Variants in CNTNAP2 observed in about 807,000 individuals in gnomAD.
The protein encoded by CNTNAP2 is contactin-associated protein-like 2.
A neutral mutation model predicts 155.2 loss-of-function variants in CNTNAP2; 98 were observed. The observed-to-expected ratio is 0.63, with a 90% CI of 0.54 to 0.75. CNTNAP2 has a LOEUF of 0.75. Among genes scored for constraint, CNTNAP2 ranks in the 30% least tolerant of loss-of-function variants. The pLI is 0.00. For synonymous variants in CNTNAP2, 651 were observed against 631.2 expected, an observed-to-expected ratio of 1.03 and a Z score of -0.47; for missense variants, 1,727 against 1,688.1, an observed-to-expected ratio of 1.02 and a Z score of -0.40.
intron 1 of CNTNAP2, among the ~76,000 whole-genome samples, chr7:146,452,264 TTTA>T (rs1317882372): frequency 2.0e-5 from 3 of 152,094 alleles, no homozygotes; most frequent in Non-Finnish European, 4.4e-5. Context: ...TAATAATTGT[TTTA>T]TTATTATTTG....
intron 4 of CNTNAP2, among the ~76,000 whole-genome samples, chr7:147,044,650 C>T (rs1197152634): frequency 6.6e-6 from 1 of 152,126 alleles, no homozygotes; most frequent in Non-Finnish European, 1.5e-5. Flanking sequence ...TTCTTAAATA[C>T]ATTATGCATA....
At chr7:147,226,631 G>C (rs908785851) in intron 8 of CNTNAP2, among the ~76,000 whole-genome samples, 6 of 152,148 alleles carry the variant, frequency 3.9e-5, no homozygotes, top group African/African-American at 1.4e-4. Context: ...GTCAAGGACA[G>C]CTTTAAAGAA....
At chr7:146,298,166 G>A (rs557176678) in intron 1 of CNTNAP2, among the ~76,000 whole-genome samples, 49 of 152,152 alleles carry the variant, frequency 3.2e-4, no homozygotes, top group African/African-American at 4.6e-4. Context: ...GACAGTCTGG[G>A]ACTTTGTGAA....
intron 1 of CNTNAP2, among the ~76,000 whole-genome samples, chr7:146,627,884 C>T (rs1417484497): frequency 6.6e-6 from 1 of 152,028 alleles, no homozygotes; most frequent in Non-Finnish European, 1.5e-5. Context: ...TTATATAACT[C>T]AGTTGGTTTT....
At chr7:148,400,008 G>A (rs740052) in intron 22 of CNTNAP2, among the ~76,000 whole-genome samples, 84,755 of 152,082 alleles carry the variant, frequency 0.56, 24,305 homozygotes, top group African/African-American at 0.63. Flanking sequence ...TCCCCCACCC[G>A]AGACCAACTC....
intron 1 of CNTNAP2, among the ~76,000 whole-genome samples, chr7:146,633,781 G>C (rs1799548546): frequency 7.5e-6 from 1 of 134,188 alleles, no homozygotes; most frequent in Non-Finnish European, 1.5e-5. Flanking sequence ...AGTGAGCTTA[G>C]ATCGTGCCAC....
In CNTNAP2 at chr7:146,966,671, C is replaced by T. The variant is rs374129205; in HGVS notation, c.403-77236C>T. ...AGTATATATGGAGGATGGGGAATGA[C>T]GAACACAAGCATCCAATTCACAATG... On this transcript the variant is annotated intron_variant, in intron 3 of 23. Coordinates refer to ENST00000361727, the MANE Select transcript of CNTNAP2 (RefSeq NM_014141.6). 2.3e-4 allele frequency among the ~76,000 whole-genome samples: 35 copies of T among 152,234 alleles called. 1 individual carries two copies. In the East Asian group the frequency reaches 3.9e-3, roughly 17 times the overall value.
At chr7:147,113,761 A>G (rs952762096) in intron 5 of CNTNAP2, among the ~76,000 whole-genome samples, 1 of 152,114 alleles carries the variant, frequency 6.6e-6, no homozygotes, top group African/African-American at 2.4e-5. Flanking sequence ...AACCAGCTCC[A>G]GGATTTATTG....
At chr7:147,065,165 G>A (rs2129263730) in intron 4 of CNTNAP2, among the ~76,000 whole-genome samples, 1 of 152,232 alleles carries the variant, frequency 6.6e-6, no homozygotes, top group East Asian at 1.9e-4. Flanking sequence ...GCAAGTCATT[G>A]ACCTTTTTGG....
chr7:148,214,648 A>T (rs529686246), intron 18 of CNTNAP2, among the ~76,000 whole-genome samples: 11 of 151,968 alleles, frequency 7.2e-5, no homozygotes, highest in African/African-American at 2.4e-4. Flanking sequence ...TCGGCTCAGT[A>T]CAACCTCCGC....
chr7:146,415,725 A>G (rs1258245297), intron 1 of CNTNAP2, among the ~76,000 whole-genome samples: 1 of 152,096 alleles, frequency 6.6e-6, no homozygotes, highest in African/African-American at 2.4e-5. Context: ...GCAACCAATC[A>G]AAGTCATGCT....
intron 9 of CNTNAP2, among the ~76,000 whole-genome samples, chr7:147,303,851 T>A (rs186520803): frequency 7.2e-5 from 11 of 152,312 alleles, no homozygotes; most frequent in Admixed American, 5.9e-4. Context: ...CAAGGAACAC[T>A]GGAGACTTCA....
chr7:148,028,114 GT>G (rs1211879253), intron 15 of CNTNAP2, among the ~76,000 whole-genome samples: 2 of 152,096 alleles, frequency 1.3e-5, no homozygotes, highest in African/African-American at 4.8e-5. Context: ...CTGAACTAAA[GT>G]TTTTTTACAC....
chr7:147,613,353 C>T lies in CNTNAP2; in HGVS notation c.1898-25753C>T, dbSNP rs60495417. Among the ~76,000 whole-genome samples the T allele has an allele frequency of 3.8e-3, 574 of 152,254 alleles. 5 individuals carry two copies. Among genetic ancestry groups the T allele is most frequent in the African/African-American group, 0.013 (554 of 41,548 alleles). On this transcript the variant is annotated intron_variant, in intron 12 of 23. Coordinates refer to ENST00000361727, the MANE Select transcript of CNTNAP2 (RefSeq NM_014141.6). Reference sequence around the variant, plus strand: ...GCGTTATTTCCGTTTCTGTTAACTACTTGTAGAAGTTCTTTATGTAGCTGG... The same window carrying T: ...GCGTTATTTCCGTTTCTGTTAACTATTTGTAGAAGTTCTTTATGTAGCTGG...
chr7:146,703,084 C>CA (rs1800904625), intron 1 of CNTNAP2, among the ~76,000 whole-genome samples: 7 of 152,066 alleles, frequency 4.6e-5, no homozygotes, highest in Non-Finnish European at 7.4e-5. Flanking sequence ...ATTAAAGTTA[C>CA]AAAAGAAAAA....
chr7:147,374,396 C>A (rs896339145), intron 9 of CNTNAP2, among the ~76,000 whole-genome samples: 1 of 152,012 alleles, frequency 6.6e-6, no homozygotes, highest in Non-Finnish European at 1.5e-5. Flanking sequence ...TCTTCAACCA[C>A]AATTTAAACA....
In CNTNAP2 at chr7:148,378,847, G is replaced by A. The variant is rs147023398; in HGVS notation, c.3476-4802G>A. Among the ~76,000 whole-genome samples, 150 of 67,010 alleles carry A rather than the reference G, an allele frequency of 2.2e-3. 64 individuals are homozygous for A. Among genetic ancestry groups the A allele is most frequent in the Non-Finnish European group, 5.6e-3 (135 of 23,970 alleles). 44.0% of individuals were successfully genotyped at this position (67,010 alleles called of 152,430 possible). A position where few individuals can be genotyped will look rare whatever the true frequency, so the allele number is the denominator to read the frequency against. ...ACACTGAGCCGGCCTGAGACTCTGA[G>A]AAATTGAAAGGGAATCGGGGAAGGA... On this transcript the variant is annotated intron_variant, in intron 21 of 23. Transcript: ENST00000361727.
At chr7:147,851,597 A>C (rs1798942809) in intron 13 of CNTNAP2, among the ~76,000 whole-genome samples, 1 of 151,078 alleles carries the variant, frequency 6.6e-6, no homozygotes, top group Admixed American at 6.6e-5. Flanking sequence ...CAGCCATAAA[A>C]AATGTCCTTT....
intron 19 of CNTNAP2, among the ~76,000 whole-genome samples, chr7:148,224,019 T>A (rs1479448719): frequency 1.3e-5 from 2 of 152,068 alleles, no homozygotes; most frequent in African/African-American, 4.8e-5. Flanking sequence ...CATGGCTGTA[T>A]GTGTTATAAG....
Sources: allele counts gnomAD v4.1 joint callset (sites outside exome capture counted in the v4.1 genomes callset), GRCh38; gene constraint gnomAD v4.1.1; transcripts MANE v1.5; gene names NCBI Gene and HGNC (gene_info 2026-07-23, HGNC 2026-07-21).